The following DAB2 variants were observed in gnomAD, a reference collection of about 807,000 sequenced individuals.
The protein encoded by DAB2 is disabled homolog 2.
A neutral mutation model predicts 71.6 loss-of-function variants in DAB2; 28 were observed. The ratio of observed to expected loss-of-function variants is 0.39; its 90% confidence interval spans 0.29 to 0.54. DAB2 has a LOEUF of 0.54. Among genes scored for constraint, DAB2 ranks in the 20% least tolerant of loss-of-function variants. DAB2 has a pLI of 0.68. For synonymous variants in DAB2, 345 were observed against 339.7 expected (o/e 1.02, Z -0.17); for missense variants, 867 against 928.8 (o/e 0.93, Z 0.86).
chr5:39,415,894 C>A (rs1039714087), intron 1 of DAB2, among the ~76,000 whole-genome samples: 32 of 152,112 alleles, frequency 2.1e-4, no homozygotes, highest in Middle Eastern at 3.2e-3. Context: ...GAATGTACTT[C>A]GTATGCAGAT....
intron 1 of DAB2, among the ~76,000 whole-genome samples, chr5:39,421,906 A>C (rs906922397): frequency 1.3e-5 from 2 of 150,950 alleles, no homozygotes; most frequent in South Asian, 2.1e-4. Flanking sequence ...CTACTACAAA[A>C]AAAAAAAAAA....
intron 1 of DAB2, among the ~76,000 whole-genome samples, chr5:39,399,563 C>T (rs1470540322): frequency 2.0e-5 from 3 of 152,006 alleles, no homozygotes; most frequent in Non-Finnish European, 4.4e-5. Context: ...AGATCTCTAA[C>T]TTGGATTTTG....
intron 1 of DAB2, among the ~76,000 whole-genome samples, chr5:39,410,184 C>G (rs1037806074): frequency 6.6e-6 from 1 of 152,072 alleles, no homozygotes; most frequent in Non-Finnish European, 1.5e-5. Flanking sequence ...GAAAAGCTAC[C>G]TGGTTATGTC....
intron 9 of DAB2, among the ~76,000 whole-genome samples, chr5:39,383,975 T>A (rs538526114): frequency 6.6e-6 from 1 of 152,358 alleles, no homozygotes; most frequent in East Asian, 1.9e-4. Context: ...GATCTCATCC[T>A]CATCATCCCA....
At chr5:39,380,520 A>C (rs1754954968) in intron 11 of DAB2, among the ~76,000 whole-genome samples, 1 of 152,026 alleles carries the variant, frequency 6.6e-6, no homozygotes, top group African/African-American at 2.4e-5. Context: ...GTCCATTTGG[A>C]GTTTGTAGAG....
chr5:39,393,442 A>G (rs769042730), intron 2 of DAB2, 49 bp from the exon 3 acceptor site: 3 of 1,597,402 alleles, frequency 1.9e-6, no homozygotes, highest in South Asian at 2.2e-5. Flanking sequence ...TCTAATTATG[A>G]CCAAATATGC....
chr5:39,395,934 A>ATTTTTTTTTTTT (rs1561373222), intron 1 of DAB2, among the ~76,000 whole-genome samples: 1 of 32,876 alleles, frequency 3.0e-5, no homozygotes, highest in Non-Finnish European at 6.7e-5. Flanking sequence ...AGACACAGAT[A>ATTTTTTTTTTTT]TTCTTTTTTT....
intron 9 of DAB2, among the ~76,000 whole-genome samples, chr5:39,384,729 C>G (rs1201728562): frequency 6.6e-6 from 1 of 151,992 alleles, no homozygotes; most frequent in Non-Finnish European, 1.5e-5. Context: ...CATCCTAGAA[C>G]AGAACTTTCA....
intron 1 of DAB2, among the ~76,000 whole-genome samples, chr5:39,402,029 C>T (rs962823242): frequency 1.3e-5 from 2 of 152,060 alleles, no homozygotes; most frequent in South Asian, 2.1e-4. Flanking sequence ...GTGAAAGGCA[C>T]GTCTTACATG....
chr5:39,409,261 T>C (rs1216093916), intron 1 of DAB2, among the ~76,000 whole-genome samples: 2 of 152,200 alleles, frequency 1.3e-5, no homozygotes, highest in East Asian at 3.8e-4. Context: ...GGAAATAGTA[T>C]TGGAACAAAT....
At position 39,377,093 on chromosome 5, in the gene DAB2, G is replaced by C. The variant is rs201997464; in HGVS notation, c.1694C>G (p.Thr565Ser). 2 of 1,614,180 alleles carry C rather than the reference G, an allele frequency of 1.2e-6. No individual in the cohort carries two copies. The highest frequency in any genetic ancestry group is 4.5e-5 in the East Asian group (2 of 44,866). ...WNQPSPFAASTPPPVPVVWGP... is the reference protein window; with the variant it reads ...WNQPSPFAASSPPPVPVVWGP... ...CCAGACAACAGGCACTGGAGGGGGA[G>C]TTGAGGCTGCAAAGGGTGAAGGCTG... Residue 565 changes from threonine to serine, a missense_variant, in exon 12 of 15, where the codon ACT (threonine) becomes AGT (serine). Coordinates refer to ENST00000320816, the MANE Select transcript of DAB2 (RefSeq NM_001343.4).
chr5:39,400,619 G>T (rs1371844015), intron 1 of DAB2, among the ~76,000 whole-genome samples: 2 of 152,144 alleles, frequency 1.3e-5, no homozygotes, highest in African/African-American at 4.8e-5. Flanking sequence ...AGTGAGCATA[G>T]TCTGTGTTTT....
At chr5:39,396,237 T>C (rs540855547) in intron 1 of DAB2, among the ~76,000 whole-genome samples, 3 of 152,300 alleles carry the variant, frequency 2.0e-5, no homozygotes, top group African/African-American at 4.8e-5. Flanking sequence ...TAAAACGACA[T>C]ACCTGCTAAG....
At chr5:39,421,217 T>C (rs1755977966) in intron 1 of DAB2, among the ~76,000 whole-genome samples, 1 of 152,172 alleles carries the variant, frequency 6.6e-6, no homozygotes, top group African/African-American at 2.4e-5. Flanking sequence ...ATAATTAACC[T>C]TTTTCAAGTA....
intron 3 of DAB2, among the ~76,000 whole-genome samples, 159 bp downstream of exon 3, chr5:39,393,095 A>G (rs1755274445): frequency 6.6e-6 from 1 of 152,222 alleles, no homozygotes; most frequent in Admixed American, 6.5e-5. Context: ...AAATATGCAA[A>G]CACTCACGGT....
rs539426208 is a variant in DAB2, at chr5:39,373,265, A to G, written c.*166T>C. 2.0e-5 allele frequency: 3 copies of G among 152,570 alleles called. No homozygotes were observed. Among genetic ancestry groups the G allele is most frequent in the African/African-American group, 7.2e-5 (3 of 41,542 alleles). 9.5% of individuals were successfully genotyped at this position (152,570 alleles called of 1,614,324 possible). On this transcript the variant is annotated 3_prime_UTR_variant, in exon 15 of 15. Coordinates refer to ENST00000320816, the MANE Select transcript of DAB2 (RefSeq NM_001343.4). The stretch of plus-strand genomic sequence containing the variant: ...TAGCTTTAACCTAGACAGAAAGTGA[A>G]AAGCATTTTACAAGTAGAAGAGGCA...
chr5:39,394,408 C>A lies in DAB2; in HGVS notation c.-88G>T. ...ATGGAGAAGTCTCAAATAAACATAACCTCCCACAGACACCTGTAGGCAGAG... is the reference window on the plus strand; with the variant it reads ...ATGGAGAAGTCTCAAATAAACATAAACTCCCACAGACACCTGTAGGCAGAG... On this transcript the variant is annotated 5_prime_UTR_variant, in exon 2 of 15. Coordinates refer to ENST00000320816, the MANE Select transcript of DAB2 (RefSeq NM_001343.4). 1 of 987,010 alleles carries A rather than the reference C, an allele frequency of 1.0e-6. No homozygotes were observed. Among genetic ancestry groups the A allele is most frequent in the Non-Finnish European group, 1.6e-6 (1 of 612,838 alleles). The allele number at this position is 987,010 out of a possible 1,614,324, so 61.1% of individuals were successfully genotyped here.
chr5:39,410,111 T>C (rs369271813), intron 1 of DAB2, among the ~76,000 whole-genome samples: 62 of 152,222 alleles, frequency 4.1e-4, no homozygotes, highest in African/African-American at 1.4e-3. Context: ...CTCTAATTAA[T>C]CCAGGGCTGG....
At chr5:39,382,050 A>C (rs1295537187) in intron 10 of DAB2, among the ~76,000 whole-genome samples, 3 of 152,222 alleles carry the variant, frequency 2.0e-5, no homozygotes, top group African/African-American at 4.8e-5. Flanking sequence ...GTATATTCTT[A>C]GGAGAGGTAA....
Sources: gnomAD v4.1 joint callset for allele counts (sites outside exome capture counted in the v4.1 genomes callset) on GRCh38, gnomAD v4.1.1 for gene constraint, MANE v1.5 for transcripts, NCBI Gene and HGNC (gene_info 2026-07-23, HGNC 2026-07-21) for gene names.